Variants in MLST8 observed in about 807,000 individuals in gnomAD.
MLST8 encodes MTOR associated protein MLST8, also known as target of rapamycin complex subunit LST8.
Under a neutral mutation model 41.3 loss-of-function variants are expected in MLST8, and 20 were observed. The observed-to-expected ratio is 0.48, with a 90% CI of 0.34 to 0.70. MLST8 has a LOEUF of 0.70. Ranked by LOEUF, MLST8 falls within the 30% of genes least tolerant of loss-of-function variation. The pLI is 0.01. For synonymous variants in MLST8, 243 were observed against 183.0 expected (o/e 1.33, Z -2.65); for missense variants, 422 against 454.3 (o/e 0.93, Z 0.65).
rs200094349 is a variant in MLST8, at chr16:2,208,606, C to A, written c.855C>A (p.Ile285=). Residue 285 remains isoleucine (I), a synonymous_variant, in exon 8 of 9, where the codon ATC becomes ATA. Coordinates refer to ENST00000569417, the MANE Select transcript of MLST8 (RefSeq NM_022372.6). ...CCTTCTCGGGGGACTCCCAGTACAT[C>A]GTCACTGGTGAGCCCCGCCCTGGCC... The part of the protein sequence containing the change: ...GCAFSGDSQY[I]VTASSDNLAR... 2.7e-5 allele frequency: 44 copies of A among 1,612,250 alleles called. No individual in the cohort carries two copies. The highest frequency in any genetic ancestry group is 3.3e-5 in the Non-Finnish European group (39 of 1,179,604).
rs990131661 is a variant in MLST8, at chr16:2,209,242, C to T, written c.*365C>T. On this transcript the variant is annotated 3_prime_UTR_variant, in exon 9 of 9. Transcript: ENST00000569417. ...TCAGGGCCTCGGTCCATAGAGAACA[C>T]CACCACCATGGCCAGGTGGAAGGGT... 8.1e-5 allele frequency: 78 copies of T among 966,542 alleles called. No homozygotes were observed. The highest frequency in any genetic ancestry group is 1.2e-4 in the Non-Finnish European group (75 of 644,388). 59.9% of individuals were successfully genotyped at this position (966,542 alleles called of 1,614,324 possible). A position where few individuals can be genotyped will look rare whatever the true frequency, so the allele number is the denominator to read the frequency against.
chr16:2,207,497 C>G (rs927099648), intron 6 of MLST8, 152 bp downstream of exon 6: 2 of 958,192 alleles, frequency 2.1e-6, no homozygotes, highest in Admixed American at 2.6e-5. Context: ...AAGCCAGAAG[C>G]CTTAGTGTCG....
At chr16:2,206,437 C>G (rs370146124) in intron 3 of MLST8, 28 bp downstream of exon 3, 1 of 1,614,070 alleles carries the variant, frequency 6.2e-7, no homozygotes, top group Non-Finnish European at 8.5e-7. Context: ...TCTCTAAACT[C>G]CTGAGCTCTG....
chr16:2,207,720 C>T lies in MLST8; in HGVS notation c.573+375C>T, dbSNP rs2093322769. On this transcript the variant is annotated intron_variant, in intron 6 of 8. Transcript: ENST00000569417. The stretch of plus-strand genomic sequence containing the variant: ...TCTCTCTTGGATGCTTCTAGTGGTG[C>T]CTGGTCAGTATCAGCCAGGTGGCGT... 3.0e-5 allele frequency: 9 copies of T among 298,102 alleles called. No individual in the cohort carries two copies. In the South Asian group the frequency reaches 4.1e-4, roughly 14 times the overall value. The allele number at this position is 298,102 out of a possible 1,614,324, so 18.5% of individuals were successfully genotyped here.
Position 2,208,501 on chromosome 16 carries a change from C to G in MLST8, c.750C>G (p.Ser250=), listed in dbSNP as rs1414085895. Residue 250 remains serine, a synonymous_variant, in exon 8 of 9, where the codon TCC becomes TCG. Transcript: ENST00000569417. Reference sequence around the variant, plus strand: ...AGACGTGCAAGATCTGGAGGACGTCCAACTTCTCCCTGATGACGGAGCTGA... The same window carrying G: ...AGACGTGCAAGATCTGGAGGACGTCGAACTTCTCCCTGATGACGGAGCTGA... The part of the protein sequence containing the change: ...ADQTCKIWRT[S]NFSLMTELSI... The G allele has an allele frequency of 6.2e-7, 1 of 1,613,352 alleles. No individual in the cohort carries two copies. Among genetic ancestry groups the G allele is most frequent in the Admixed American group, 1.7e-5 (1 of 60,016 alleles).
In MLST8 at chr16:2,209,315, C is replaced by A; in HGVS notation, c.*438C>A. The stretch of plus-strand genomic sequence containing the variant: ...GTCCTCCCTGGTGCAGGTGGCCTGG[C>A]CAGCCCACTGGATTGGGGACGGGCC... On this transcript the variant is annotated 3_prime_UTR_variant, in exon 9 of 9. Transcript: ENST00000569417. 6.4e-7 allele frequency: 1 copy of A among 1,563,282 alleles called. No homozygotes were observed.
intron 1 of MLST8, chr16:2,205,725 C>T (rs1596707219): frequency 2.0e-6 from 2 of 1,006,634 alleles, no homozygotes; most frequent in Non-Finnish European, 2.4e-6. Context: ...CCGGCCCATC[C>T]GCCGCCTTGC....
chr16:2,206,668 G>C lies in MLST8; in HGVS notation c.344+9G>C. 1.2e-6 allele frequency: 2 copies of C among 1,611,918 alleles called. No homozygotes were observed. Among genetic ancestry groups the C allele is most frequent in the Non-Finnish European group, 1.7e-6 (2 of 1,179,924 alleles). On this transcript the variant is annotated intron_variant, in intron 4 of 8. Transcript: ENST00000569417. Reference sequence around the variant, plus strand: ...AGGATCTGGGACCTCAGGTGCGGTGGGGAGGGGGCGTGCTGCCCGGGGCTG... The same window carrying C: ...AGGATCTGGGACCTCAGGTGCGGTGCGGAGGGGGCGTGCTGCCCGGGGCTG...
intron 8 of MLST8, 22 bp from the exon 9 acceptor site, chr16:2,208,737 C>T (rs761483017): frequency 1.2e-5 from 19 of 1,613,866 alleles, no homozygotes; most frequent in Admixed American, 1.7e-5. Context: ...CGCTCTTAGC[C>T]CTGCACAATC....
rs532732348 is a variant in MLST8 at position 2,207,462 on chromosome 16, G to A, written c.573+117G>A. 3.0e-5 allele frequency: 39 copies of A among 1,319,352 alleles called. No homozygotes were observed. The Admixed American group carries it at 6.1e-4, about 21-fold the overall frequency. 81.7% of individuals were successfully genotyped at this position (1,319,352 alleles called of 1,614,324 possible). ...GCCCCCTCCTGCTTTCCCCATCCCG[G>A]GCACTAACACCCACCTTGCCAGCAA... On this transcript the variant is annotated intron_variant, in intron 6 of 8. Coordinates refer to ENST00000569417, the MANE Select transcript of MLST8 (RefSeq NM_022372.6).
intron 4 of MLST8, 31 bp downstream of exon 4, chr16:2,206,690 G>T: frequency 3.1e-6 from 5 of 1,601,706 alleles, no homozygotes; most frequent in Non-Finnish European, 4.3e-6. Context: ...GCTGCCCGGG[G>T]CTGGGGTGGG....
At chr16:2,205,717 G>C (rs576914666) in intron 1 of MLST8, 9 of 1,002,012 alleles carry the variant, frequency 9.0e-6, no homozygotes, top group Non-Finnish European at 1.1e-5. Flanking sequence ...GGCTTTCCCC[G>C]GCCCATCCGC....
Position 2,209,401 on chromosome 16 carries a change from G to A in MLST8, c.*524G>A, listed in dbSNP as rs375593732. On this transcript the variant is annotated 3_prime_UTR_variant, in exon 9 of 9. Coordinates refer to ENST00000569417, the MANE Select transcript of MLST8 (RefSeq NM_022372.6). Reference sequence around the variant, plus strand: ...AATAAAAGCAGACCGACACGCAGATGTTGCTCGGGAAGCAGATGTCGATGC... The same window carrying A: ...AATAAAAGCAGACCGACACGCAGATATTGCTCGGGAAGCAGATGTCGATGC... 7.1e-5 allele frequency: 115 copies of A among 1,613,720 alleles called. No homozygotes were observed. Among genetic ancestry groups the A allele is most frequent in the Non-Finnish European group, 9.5e-5 (112 of 1,179,978 alleles).
In MLST8 at chr16:2,206,787, T is replaced by C. The variant is rs573597346; in HGVS notation, c.344+128T>C. 53 of 1,160,512 alleles carry C rather than the reference T, an allele frequency of 4.6e-5. 1 individual carries two copies. In the South Asian group the frequency reaches 6.3e-4, roughly 14 times the overall value. The allele number at this position is 1,160,512 out of a possible 1,614,324, so 71.9% of individuals were successfully genotyped here. A position where few individuals can be genotyped will look rare whatever the true frequency, so the allele number is the denominator to read the frequency against. On this transcript the variant is annotated intron_variant, in intron 4 of 8. Transcript: ENST00000569417. ...CCTGTGGGCGACTTACTGAGAGAAG[T>C]GAGGACAGGAGGAGAGTGAATTGCA...
At chr16:2,206,288 C>A in intron 2 of MLST8, 70 bp from the exon 3 acceptor site, 1 of 1,607,206 alleles carries the variant, frequency 6.2e-7, no homozygotes. Flanking sequence ...TGTGTGAAGG[C>A]CAGATGGTGG....
At position 2,207,190 on chromosome 16, in the gene MLST8, C is replaced by T. The variant is rs900500229; in HGVS notation, c.421-3C>T. On this transcript the variant is annotated splice_region_variant and splice_polypyrimidine_tract_variant and intron_variant, in intron 5 of 8. Coordinates refer to ENST00000569417, the MANE Select transcript of MLST8 (RefSeq NM_022372.6). ...GCCCTGCCTCACCACCCCTGCACCC[C>T]AGGCAGAGCTCATCGTGGGTGACCA... The T allele has an allele frequency of 6.2e-7, 1 of 1,613,690 alleles. No individual in the cohort carries two copies. Among genetic ancestry groups the T allele is most frequent in the Non-Finnish European group, 8.5e-7 (1 of 1,179,654 alleles).
Position 2,208,512 on chromosome 16 carries a change from T to C in MLST8, c.761T>C (p.Leu254Pro). ...CKIWRTSNFS[L>P]MTELSIKSGN... The stretch of plus-strand genomic sequence containing the variant: ...ATCTGGAGGACGTCCAACTTCTCCC[T>C]GATGACGGAGCTGAGCATCAAGAGC... Residue 254 changes from leucine to proline, a missense_variant, in exon 8 of 9, where the codon CTG becomes CCG. Physicochemically the swap from Leu to Pro is moderately conservative, Grantham distance 98. Coordinates refer to ENST00000569417, the MANE Select transcript of MLST8 (RefSeq NM_022372.6). 1 of 1,613,270 alleles carries C rather than the reference T, an allele frequency of 6.2e-7. No individual in the cohort carries two copies. Among genetic ancestry groups the C allele is most frequent in the African/African-American group, 1.3e-5 (1 of 75,016 alleles).
Position 2,208,350 on chromosome 16 carries a change from G to A in MLST8, c.698+16G>A, listed in dbSNP as rs375639537. ...CCGACTCCACGTGCGTGCAGGGCCT[G>A]CTGGCCCGGGAGGGGACCTGCCTGG... On this transcript the variant is annotated intron_variant, in intron 7 of 8. Transcript: ENST00000569417. 24 of 1,604,690 alleles carry A rather than the reference G, an allele frequency of 1.5e-5. No homozygotes were observed. The South Asian group carries it at 1.8e-4, about 12-fold the overall frequency.
At position 2,208,952 on chromosome 16, in the gene MLST8, G is replaced by T. The variant is rs959601584; in HGVS notation, c.*75G>T. 6.6e-7 allele frequency: 1 copy of T among 1,520,044 alleles called. No individual in the cohort carries two copies. The highest frequency in any genetic ancestry group is 9.0e-7 in the Non-Finnish European group (1 of 1,106,832). 94.2% of individuals were successfully genotyped at this position (1,520,044 alleles called of 1,614,324 possible). A position where few individuals can be genotyped will look rare whatever the true frequency, so the allele number is the denominator to read the frequency against. ...CCCATGCAGCACCCAGGTCAGAGCA[G>T]ACCCTCCCCTGCCGGCCTGCGCCAG... On this transcript the variant is annotated 3_prime_UTR_variant, in exon 9 of 9. Transcript: ENST00000569417.
Sources: allele counts gnomAD v4.1 joint callset, GRCh38; gene constraint gnomAD v4.1.1; transcripts MANE v1.5; gene names NCBI Gene and HGNC (gene_info 2026-07-23, HGNC 2026-07-21).